Variants in LHCGR observed in about 807,000 individuals in gnomAD.
The protein encoded by LHCGR is lutropin-choriogonadotropic hormone receptor.
In LHCGR, 55 loss-of-function variants were observed where a neutral mutation model predicts 60.7. That is an observed-to-expected ratio of 0.91 (90% CI 0.73 to 1.13). The LOEUF (loss-of-function observed/expected upper bound fraction) is 1.13. Among genes scored for constraint, LHCGR ranks in the 50% most tolerant of loss-of-function variants. The pLI is 0.00. For missense variants in LHCGR, 862 were observed against 836.0 expected (o/e 1.03, Z -0.38); for synonymous variants, 337 against 316.5 (o/e 1.06, Z -0.69).
At chr2:48,744,971 T>A (rs1478753701) in intron 1 of LHCGR, among the ~76,000 whole-genome samples, 2 of 151,922 alleles carry the variant, frequency 1.3e-5, no homozygotes, top group Non-Finnish European at 2.9e-5. Flanking sequence ...ATATCCACAA[T>A]CTACAATGAA....
intron 8 of LHCGR, among the ~76,000 whole-genome samples, chr2:48,706,443 C>G (rs1042523978): frequency 6.6e-6 from 1 of 152,182 alleles, no homozygotes; most frequent in African/African-American, 2.4e-5. Flanking sequence ...GTTGGCCTGC[C>G]TTGCTAGGTT....
intron 7 of LHCGR, 77 bp downstream of exon 7, chr2:48,713,909 G>A: frequency 2.6e-6 from 3 of 1,160,088 alleles, no homozygotes; most frequent in Non-Finnish European, 3.9e-6. Context: ...GTTAGTTGCT[G>A]AAGATTGAAT....
At chr2:48,750,622 G>A (rs1056274593) in intron 1 of LHCGR, among the ~76,000 whole-genome samples, 19 of 152,244 alleles carry the variant, frequency 1.2e-4, no homozygotes, top group African/African-American at 4.6e-4. Context: ...GCTAGCTGAT[G>A]TAGACATGCT....
intron 1 of LHCGR, among the ~76,000 whole-genome samples, chr2:48,736,721 G>C (rs1438524032): frequency 1.3e-5 from 2 of 152,020 alleles, no homozygotes; most frequent in East Asian, 3.8e-4. Context: ...GATTTGTTTT[G>C]TATGTTATAT....
chr2:48,721,876 G>T (rs1033575116), intron 6 of LHCGR: 32 of 441,576 alleles, frequency 7.2e-5, no homozygotes, highest in Non-Finnish European at 1.3e-4. Flanking sequence ...TGAGGCCGGG[G>T]GGTGGTGACT....
At chr2:48,705,871 T>G (rs1334872905) in intron 8 of LHCGR, among the ~76,000 whole-genome samples, 1 of 152,238 alleles carries the variant, frequency 6.6e-6, no homozygotes, top group Non-Finnish European at 1.5e-5. Flanking sequence ...TGTCTTTTAT[T>G]TGGGGCATTT....
At chr2:48,690,528 G>A (rs927339988) in intron 10 of LHCGR, among the ~76,000 whole-genome samples, 7 of 152,308 alleles carry the variant, frequency 4.6e-5, no homozygotes, top group Admixed American at 4.6e-4. Flanking sequence ...CTTAAAATTA[G>A]CTCTTGCAGA....
At chr2:48,712,028 A>G (rs1668016737) in intron 7 of LHCGR, among the ~76,000 whole-genome samples, 1 of 151,928 alleles carries the variant, frequency 6.6e-6, no homozygotes, top group South Asian at 2.1e-4. Context: ...GTCTATGAAC[A>G]CATCTTATAA....
chr2:48,725,793 G>A (rs1668692953), intron 3 of LHCGR, 43 bp from the exon 4 acceptor site: 1 of 1,444,770 alleles, frequency 6.9e-7, no homozygotes, highest in East Asian at 2.3e-5. Context: ...TTTAATAGAT[G>A]TGTATTGTTT....
chr2:48,746,812 A>G (rs1441167380), intron 1 of LHCGR, among the ~76,000 whole-genome samples: 2 of 152,240 alleles, frequency 1.3e-5, no homozygotes, highest in African/African-American at 2.4e-5. Flanking sequence ...TTGTCTAGCA[A>G]TAATATAACA....
At chr2:48,725,305 C>T (rs1470518204) in intron 4 of LHCGR, among the ~76,000 whole-genome samples, 1 of 152,084 alleles carries the variant, frequency 6.6e-6, no homozygotes, top group African/African-American at 2.4e-5. Flanking sequence ...GAGAGTCAGA[C>T]CAGAATTGCC....
chr2:48,690,836 C>A (rs1036509674), intron 10 of LHCGR, among the ~76,000 whole-genome samples: 5 of 152,192 alleles, frequency 3.3e-5, no homozygotes, highest in African/African-American at 1.2e-4. Context: ...ATTGTCTAAT[C>A]ACTTCTTGAA....
At chr2:48,729,302 G>C in intron 2 of LHCGR, 75 bp from the exon 3 acceptor site, 2 of 1,127,750 alleles carry the variant, frequency 1.8e-6, no homozygotes, top group South Asian at 1.2e-5. Flanking sequence ...TATGAGCTAT[G>C]TGTGTGACCC....
chr2:48,742,549 C>T lies in LHCGR; in HGVS notation c.162-11251G>A, dbSNP rs1472711141. Among the ~76,000 whole-genome samples, 7 of 151,722 alleles carry T rather than the reference C, an allele frequency of 4.6e-5. 1 individual carries two copies. In the South Asian group the frequency reaches 6.3e-4, roughly 14 times the overall value. ...CAGGATTAAGAATCTCACTCAAAAC[C>T]GCTCAACTACATGGAAACTGAACAA... On this transcript the variant is annotated intron_variant, in intron 1 of 10. Coordinates refer to ENST00000294954, the MANE Select transcript of LHCGR (RefSeq NM_000233.4).
At chr2:48,750,255 C>T (rs1056815306) in intron 1 of LHCGR, among the ~76,000 whole-genome samples, 14 of 152,154 alleles carry the variant, frequency 9.2e-5, no homozygotes, top group African/African-American at 3.4e-4. Context: ...TTGTGTGCTA[C>T]ACCAGGAGGC....
intron 8 of LHCGR, among the ~76,000 whole-genome samples, chr2:48,701,533 G>T (rs77935771): frequency 6.6e-6 from 1 of 152,104 alleles, no homozygotes; most frequent in African/African-American, 2.4e-5. Context: ...AGTTCCTTTA[G>T]GTGTTCGTTC....
In LHCGR at chr2:48,713,981, C is replaced by G; in HGVS notation, c.605+5G>C. On this transcript the variant is annotated splice_donor_5th_base_variant and intron_variant, in intron 7 of 10. Coordinates refer to ENST00000294954, the MANE Select transcript of LHCGR (RefSeq NM_000233.4). ...CCTGAGCTGGGGAAATAAGCAAATA[C>G]TTACAGTGAAGTCAGTGTCGTCCCA... The G allele has an allele frequency of 1.9e-6, 3 of 1,591,824 alleles. No individual in the cohort carries two copies. The highest frequency in any genetic ancestry group is 2.6e-6 in the Non-Finnish European group (3 of 1,159,726).
intron 6 of LHCGR, among the ~76,000 whole-genome samples, chr2:48,717,338 C>G (rs1668295403): frequency 6.6e-6 from 1 of 152,162 alleles, no homozygotes; most frequent in African/African-American, 2.4e-5. Flanking sequence ...GGCACTGAAC[C>G]CAATTGCTTG....
At chr2:48,709,104 A>C (rs898904332) in intron 7 of LHCGR, 82 bp from the exon 8 acceptor site, 4 of 1,047,058 alleles carry the variant, frequency 3.8e-6, no homozygotes, top group Non-Finnish European at 6.0e-6. Flanking sequence ...TGTTTAGACC[A>C]AGCTATGTGC....
Sources: allele counts gnomAD v4.1 joint callset (sites outside exome capture counted in the v4.1 genomes callset), GRCh38; gene constraint gnomAD v4.1.1; transcripts MANE v1.5; gene names NCBI Gene and HGNC (gene_info 2026-07-23, HGNC 2026-07-21).